Variants in SYNDIG1 observed in about 807,000 individuals in gnomAD.
SYNDIG1 encodes synapse differentiation-inducing gene protein 1.
SYNDIG1 carries 9 observed loss-of-function variants against 19.4 expected under a neutral mutation model. The ratio of observed to expected loss-of-function variants is 0.46; its 90% CI spans 0.28 to 0.81. SYNDIG1 has a LOEUF of 0.81. Ranked by LOEUF, SYNDIG1 falls within the 30% of genes least tolerant of loss-of-function variation. The probability of loss-of-function intolerance (pLI) is 0.12; values close to 1 mark genes in which losing one functional copy is unlikely to be tolerated. For synonymous variants in SYNDIG1, 141 were observed against 145.9 expected (o/e 0.97, Z 0.24); for missense variants, 311 against 343.3 (o/e 0.91, Z 0.74).
chr20:24,582,115 C>T (rs1418757132), intron 2 of SYNDIG1, among the ~76,000 whole-genome samples: 7 of 108,128 alleles, frequency 6.5e-5, no homozygotes, highest in African/African-American at 1.4e-4. Context: ...CCCCCATGTA[C>T]GTCCTCCCCC....
chr20:24,484,567 C>T (rs898314146), intron 1 of SYNDIG1, among the ~76,000 whole-genome samples: 4 of 152,020 alleles, frequency 2.6e-5, no homozygotes, highest in African/African-American at 9.7e-5. Flanking sequence ...GAGCAGAGAC[C>T]CCACGTTTCA....
chr20:24,537,575 C>T (rs1238588584), intron 1 of SYNDIG1, among the ~76,000 whole-genome samples: 2 of 152,156 alleles, frequency 1.3e-5, no homozygotes, highest in Admixed American at 6.5e-5. Flanking sequence ...CTTGTTTTCT[C>T]GGTATGGTAT....
chr20:24,560,869 A>G (rs2146876990), intron 2 of SYNDIG1, among the ~76,000 whole-genome samples: 1 of 138,802 alleles, frequency 7.2e-6, no homozygotes, highest in South Asian at 2.5e-4. Context: ...TGGTGTTTCT[A>G]AAAAACAAAA....
chr20:24,586,789 C>A lies in SYNDIG1; in HGVS notation c.618+1796C>A, dbSNP rs1293241364. Among the ~76,000 whole-genome samples, 4 of 152,290 alleles carry A rather than the reference C, an allele frequency of 2.6e-5. No individual in the cohort carries two copies. The East Asian group carries it at 7.7e-4, about 29-fold the overall frequency. On this transcript the variant is annotated intron_variant, in intron 3 of 3. Transcript: ENST00000376862. ...AAGCCCTGGATAGATGGCAAGGGGC[C>A]ACAGGGAGAGGCTGCCTACGTGGCC...
chr20:24,647,479 C>T (rs935786446), intron 3 of SYNDIG1, among the ~76,000 whole-genome samples: 2 of 152,050 alleles, frequency 1.3e-5, no homozygotes, highest in African/African-American at 4.8e-5. Context: ...CAAACACTTT[C>T]TTTGGGAAGG....
At chr20:24,477,844 T>A (rs1464587552) in intron 1 of SYNDIG1, among the ~76,000 whole-genome samples, 1 of 152,178 alleles carries the variant, frequency 6.6e-6, no homozygotes, top group Admixed American at 6.5e-5. Flanking sequence ...AAGCCCAGCA[T>A]TGGCCAAAGA....
chr20:24,652,934 G>A (rs1214472326), intron 3 of SYNDIG1, among the ~76,000 whole-genome samples: 3 of 152,118 alleles, frequency 2.0e-5, no homozygotes, highest in Non-Finnish European at 4.4e-5. Context: ...CAGCTCCTCT[G>A]CCTCCCTATC....
In SYNDIG1 at chr20:24,484,988, G is replaced by A. The variant is rs74689888; in HGVS notation, c.-79+15235G>A. On this transcript the variant is annotated intron_variant, in intron 1 of 3. Transcript: ENST00000376862. Reference sequence around the variant, plus strand: ...CTTTCTTCCTTGAGACTGGATTAGCGCTCCAGCCAGAGCAGGTTGTTATAA... The same window carrying A: ...CTTTCTTCCTTGAGACTGGATTAGCACTCCAGCCAGAGCAGGTTGTTATAA... 8.0e-3 allele frequency among the ~76,000 whole-genome samples: 1,221 copies of A among 152,206 alleles called. 18 individuals are homozygous for A. Among genetic ancestry groups the A allele is most frequent in the African/African-American group, 0.029 (1,184 of 41,502 alleles).
At chr20:24,494,614 C>A (rs1427958883) in intron 1 of SYNDIG1, among the ~76,000 whole-genome samples, 1 of 152,156 alleles carries the variant, frequency 6.6e-6, no homozygotes, top group East Asian at 1.9e-4. Context: ...GGAACAGACC[C>A]CCCCGGGAGA....
rs1861921691 is a variant in SYNDIG1 at position 24,486,878 on chromosome 20, C to T, written c.-79+17125C>T. Reference sequence around the variant, plus strand: ...TTCACCATGTTGTCCAGGATGGTCTCGATCTCCTGACCTCGTGATCCACCT... The same window carrying T: ...TTCACCATGTTGTCCAGGATGGTCTTGATCTCCTGACCTCGTGATCCACCT... On this transcript the variant is annotated intron_variant, in intron 1 of 3. Coordinates refer to ENST00000376862, the MANE Select transcript of SYNDIG1 (RefSeq NM_024893.3). Among the ~76,000 whole-genome samples, 3 of 151,916 alleles carry T rather than the reference C, an allele frequency of 2.0e-5. No homozygotes were observed. The South Asian group carries it at 6.2e-4, about 32-fold the overall frequency.
intron 3 of SYNDIG1, among the ~76,000 whole-genome samples, chr20:24,622,904 C>T (rs1328770419): frequency 3.3e-5 from 5 of 152,010 alleles, no homozygotes; most frequent in Non-Finnish European, 7.4e-5. Context: ...CCAACAACAA[C>T]CAAAAGTAAC....
chr20:24,571,551 A>G (rs758175683), intron 2 of SYNDIG1, among the ~76,000 whole-genome samples: 8 of 152,174 alleles, frequency 5.3e-5, no homozygotes, highest in South Asian at 2.1e-4. Flanking sequence ...ATATACATTT[A>G]TATTATATGA....
intron 2 of SYNDIG1, among the ~76,000 whole-genome samples, chr20:24,567,941 C>G (rs1159306283): frequency 6.6e-6 from 1 of 152,184 alleles, no homozygotes; most frequent in Non-Finnish European, 1.5e-5. Context: ...TGAGACCAAC[C>G]TGGCCAACAT....
At position 24,489,224 on chromosome 20, in the gene SYNDIG1, C is replaced by T. The variant is rs536185715; in HGVS notation, c.-79+19471C>T. Among the ~76,000 whole-genome samples the T allele has an allele frequency of 3.9e-4, 60 of 151,980 alleles. 1 individual carries two copies. The highest frequency in any genetic ancestry group is 3.2e-3 in the Admixed American group (49 of 15,264). On this transcript the variant is annotated intron_variant, in intron 1 of 3. Transcript: ENST00000376862. Reference sequence around the variant, plus strand: ...TGGACACAGATAGATGCATGCACACCGACATGTAGATACATGCACACACAC... The same window carrying T: ...TGGACACAGATAGATGCATGCACACTGACATGTAGATACATGCACACACAC...
intron 1 of SYNDIG1, among the ~76,000 whole-genome samples, chr20:24,530,457 T>A (rs79633405): frequency 0.012 from 1,840 of 152,294 alleles, 41 homozygotes; most frequent in African/African-American, 0.042. Context: ...AAATGTTTCA[T>A]TAACTCTCTC....
chr20:24,654,865 A>G (rs981058437), intron 3 of SYNDIG1, among the ~76,000 whole-genome samples: 1 of 152,184 alleles, frequency 6.6e-6, no homozygotes, highest in Non-Finnish European at 1.5e-5. Flanking sequence ...TGAGAAGAGT[A>G]TGGGGCAAGG....
chr20:24,642,953 A>T (rs1331132108), intron 3 of SYNDIG1, among the ~76,000 whole-genome samples: 1 of 152,160 alleles, frequency 6.6e-6, no homozygotes, highest in African/African-American at 2.4e-5. Context: ...CATTACTGTT[A>T]GGTTAGTTGC....
chr20:24,524,067 T>C (rs1314053283), intron 1 of SYNDIG1, among the ~76,000 whole-genome samples: 1 of 152,204 alleles, frequency 6.6e-6, no homozygotes, highest in Non-Finnish European at 1.5e-5. Context: ...CTCTTGAAAA[T>C]ATTTATTGTC....
rs188338202 is a variant in SYNDIG1, at chr20:24,492,544, G to C, written c.-79+22791G>C. ...TTTCTTCAGAGGCTGGCTTGAGCCA[G>C]GTTTGCATAATCCCCCACCTAGCCC... On this transcript the variant is annotated intron_variant, in intron 1 of 3. Transcript: ENST00000376862. Among the ~76,000 whole-genome samples the C allele has an allele frequency of 7.9e-5, 12 of 152,346 alleles. 1 individual carries two copies. The highest frequency in any genetic ancestry group is 2.6e-4 in the African/African-American group (11 of 41,572).
Sources: gnomAD v4.1 joint callset for allele counts (sites outside exome capture counted in the v4.1 genomes callset) on GRCh38, gnomAD v4.1.1 for gene constraint, MANE v1.5 for transcripts, NCBI Gene and HGNC (gene_info 2026-07-23, HGNC 2026-07-21) for gene names.